The following FLRT1 variants were observed in gnomAD, a reference collection of about 807,000 sequenced individuals.
FLRT1 encodes the protein fibronectin leucine rich transmembrane protein 1.
A neutral mutation model predicts 30.9 loss-of-function variants in FLRT1; 14 were observed. The ratio of observed to expected loss-of-function variants is 0.45; its 90% CI spans 0.30 to 0.71. FLRT1 has a LOEUF of 0.71. Among genes scored for constraint, FLRT1 ranks in the 30% least tolerant of loss-of-function variants. FLRT1 has a pLI of 0.08. For synonymous variants in FLRT1, 368 were observed against 430.4 expected, an observed-to-expected ratio of 0.85 and a Z score of 1.80; for missense variants, 737 against 949.2, an observed-to-expected ratio of 0.78 and a Z score of 2.94.
chr11:64,105,372 G>A (rs1452211978), intron 2 of FLRT1, among the ~76,000 whole-genome samples: 2 of 152,210 alleles, frequency 1.3e-5, no homozygotes, highest in Non-Finnish European at 2.9e-5. Context: ...CAGTGGCTCT[G>A]TGCAAAGGGA....
At chr11:64,075,503 C>T (rs906803496) in intron 1 of FLRT1, among the ~76,000 whole-genome samples, 1 of 152,242 alleles carries the variant, frequency 6.6e-6, no homozygotes, top group Non-Finnish European at 1.5e-5. Context: ...GGTGGCAGGG[C>T]CCCAGCTGGG....
At position 64,090,870 on chromosome 11, in the gene FLRT1, G is replaced by A. The variant is rs1028099966; in HGVS notation, c.-1037-12324G>A. On this transcript the variant is annotated intron_variant, in intron 1 of 2. Transcript: ENST00000682287. This position sits in a 1 kb window ranked among gnomAD's most constrained non-coding sequence, Gnocchi z 4.7. ...GCACTCCCAGGGAGCCCTGAGGGAC[G>A]AAGTAAAGCAGGAGAGGGCAGGGGG... Among the ~76,000 whole-genome samples the A allele has an allele frequency of 2.6e-5, 4 of 152,024 alleles. No individual in the cohort carries two copies. The highest frequency in any genetic ancestry group is 1.5e-5 in the Non-Finnish European group (1 of 68,012).
intron 1 of FLRT1, among the ~76,000 whole-genome samples, chr11:64,038,295 C>G (rs896649477): frequency 1.3e-5 from 2 of 152,224 alleles, no homozygotes; most frequent in Non-Finnish European, 2.9e-5. Flanking sequence ...GGCCTGCAGC[C>G]TCCCCTCTGG....
chr11:64,055,753 G>A (rs1361205449), intron 1 of FLRT1, among the ~76,000 whole-genome samples: 1 of 152,176 alleles, frequency 6.6e-6, no homozygotes, highest in Admixed American at 6.5e-5. Flanking sequence ...GGGATTCCCT[G>A]CTCCTCTGCA....
At chr11:64,037,363 G>T (rs1022864038) in intron 1 of FLRT1, among the ~76,000 whole-genome samples, 1 of 151,888 alleles carries the variant, frequency 6.6e-6, no homozygotes, top group Non-Finnish European at 1.5e-5. Flanking sequence ...GCGCTCAGGG[G>T]CTCCAGATTC....
intron 2 of FLRT1, among the ~76,000 whole-genome samples, chr11:64,104,616 C>T (rs1236908246): frequency 1.3e-5 from 2 of 152,040 alleles, no homozygotes; most frequent in Non-Finnish European, 2.9e-5. Context: ...TGCCCTTGAA[C>T]GAGAGGGAGT....
chr11:64,041,990 G>C (rs1346137149), intron 1 of FLRT1, among the ~76,000 whole-genome samples: 2 of 152,024 alleles, frequency 1.3e-5, no homozygotes, highest in African/African-American at 2.4e-5. Context: ...GGGTTCAGTG[G>C]GGGGCAGTTA....
In FLRT1 at chr11:64,090,231, C is replaced by T. The variant is rs1297295289; in HGVS notation, c.-1037-12963C>T. Among the ~76,000 whole-genome samples, 1 of 152,196 alleles carries T rather than the reference C, an allele frequency of 6.6e-6. No individual in the cohort carries two copies. Among genetic ancestry groups the T allele is most frequent in the Non-Finnish European group, 1.5e-5 (1 of 68,024 alleles). ...GGTGACAGGGTGTGGGAAAGGCCAA[C>T]GGGCGTGTGGGTCTCCAGCCTTTGC... On this transcript the variant is annotated intron_variant, in intron 1 of 2. Transcript: ENST00000682287. This position sits in a 1 kb window ranked among gnomAD's most constrained non-coding sequence, Gnocchi z 4.7.
intron 1 of FLRT1, among the ~76,000 whole-genome samples, chr11:64,055,773 T>C (rs1464863169): frequency 6.6e-6 from 1 of 152,104 alleles, no homozygotes; most frequent in East Asian, 1.9e-4. Context: ...ACTGCCTCAG[T>C]TTCCCCTTTC....
intron 1 of FLRT1, among the ~76,000 whole-genome samples, chr11:64,050,274 G>A (rs1405384930): frequency 6.6e-6 from 1 of 152,148 alleles, no homozygotes; most frequent in Admixed American, 6.5e-5. Flanking sequence ...CGAGAGATGA[G>A]TGGCTCCCCA....
In FLRT1 at chr11:64,116,661, C is replaced by G; in HGVS notation, c.394C>G (p.Leu132Val). 6.2e-7 allele frequency: 1 copy of G among 1,614,016 alleles called. No individual in the cohort carries two copies. The highest frequency in any genetic ancestry group is 1.1e-5 in the South Asian group (1 of 91,084). ...CAACCTGCCCCGCTCCCTCCGGGAG[C>G]TGCACCTGCAGGACAACAATGTGCG... ...PINLPRSLRE[L>V]HLQDNNVRTI... The change falls in exon 3 of 3, where the codon CTG (leucine) becomes GTG (valine). Residue 132 changes from leucine to valine, a missense_variant. Coordinates refer to ENST00000682287, the MANE Select transcript of FLRT1 (RefSeq NM_013280.5).
chr11:64,097,527 C>A (rs1412183395), intron 1 of FLRT1, among the ~76,000 whole-genome samples: 1 of 152,246 alleles, frequency 6.6e-6, no homozygotes, highest in African/African-American at 2.4e-5. Flanking sequence ...AGGCCCAGGC[C>A]CGCCGGCCGG....
chr11:64,095,864 G>A (rs1287650374), intron 1 of FLRT1, among the ~76,000 whole-genome samples: 1 of 152,240 alleles, frequency 6.6e-6, no homozygotes, highest in Non-Finnish European at 1.5e-5. Context: ...AGGCTGAGGG[G>A]AGGGTCTGGG....
At chr11:64,109,162 C>T (rs1944816606) in intron 2 of FLRT1, among the ~76,000 whole-genome samples, 1 of 152,042 alleles carries the variant, frequency 6.6e-6, no homozygotes, top group African/African-American at 2.4e-5. Flanking sequence ...GGGGCTATTT[C>T]CTTGCTGGCT....
chr11:64,059,694 C>T (rs1943859635), intron 1 of FLRT1, among the ~76,000 whole-genome samples: 1 of 152,230 alleles, frequency 6.6e-6, no homozygotes, highest in Non-Finnish European at 1.5e-5. Flanking sequence ...GAGGCCTAGG[C>T]ACAGAGAGGG....
At chr11:64,057,208 C>A (rs546433244) in intron 1 of FLRT1, among the ~76,000 whole-genome samples, 1 of 152,360 alleles carries the variant, frequency 6.6e-6, no homozygotes, top group East Asian at 1.9e-4. Context: ...GAAAGGGCAG[C>A]CTCTGGGACC....
intron 2 of FLRT1, among the ~76,000 whole-genome samples, chr11:64,105,188 G>C (rs958657441): frequency 6.6e-6 from 1 of 152,218 alleles, no homozygotes; most frequent in Non-Finnish European, 1.5e-5. Context: ...CCGACAGCGG[G>C]GCCGCGAGCG....
At chr11:64,069,254 G>A (rs1309090935) in intron 1 of FLRT1, among the ~76,000 whole-genome samples, 2 of 152,202 alleles carry the variant, frequency 1.3e-5, no homozygotes, top group East Asian at 3.9e-4. Flanking sequence ...AGTTCTACCT[G>A]ACACCGGAGA....
intron 2 of FLRT1, among the ~76,000 whole-genome samples, chr11:64,106,105 C>T (rs1399710789): frequency 2.0e-5 from 3 of 152,186 alleles, no homozygotes; most frequent in African/African-American, 7.2e-5. Context: ...GGCCAAGAGT[C>T]TCCCTTTGGG....
Sources: gnomAD v4.1 joint callset for allele counts (sites outside exome capture counted in the v4.1 genomes callset) on GRCh38, gnomAD v4.1.1 for gene constraint, Gnocchi (gnomAD v3.1) non-coding constraint, MANE v1.5 for transcripts, NCBI Gene and HGNC (gene_info 2026-07-23, HGNC 2026-07-21) for gene names.